The following RELN variants were observed in gnomAD, a reference collection of about 807,000 sequenced individuals.
RELN encodes reelin.
Under a neutral mutation model 427.6 loss-of-function variants are expected in RELN, and 108 were observed. The observed-to-expected ratio is 0.25, with a 90% CI of 0.22 to 0.30. The LOEUF is 0.30. Ranked by LOEUF, RELN falls within the 10% of genes least tolerant of loss-of-function variation. The pLI, the probability that RELN is intolerant of heterozygous loss-of-function variation, is 1.00. For synonymous variants in RELN, 1,524 were observed against 1,513.4 expected (o/e 1.01, Z -0.16); for missense variants, 3,715 against 4,302.8 (o/e 0.86, Z 3.82).
At chr7:103,817,937 C>CAAAAAAAAA (rs71154371) in intron 3 of RELN, among the ~76,000 whole-genome samples, 5 of 36,022 alleles carry the variant, frequency 1.4e-4, no homozygotes, top group Admixed American at 4.3e-4. Context: ...GACTCCATCT[C>CAAAAAAAAA]AAAAAAAAAA....
At chr7:103,619,966 T>C (rs1406759959) in intron 20 of RELN, among the ~76,000 whole-genome samples, 1 of 152,156 alleles carries the variant, frequency 6.6e-6, no homozygotes, top group African/African-American at 2.4e-5. Flanking sequence ...AGAAGAGCCT[T>C]AGCTGTTTCC....
intron 19 of RELN, among the ~76,000 whole-genome samples, chr7:103,632,917 T>G (rs902726768): frequency 6.6e-6 from 1 of 152,120 alleles, no homozygotes; most frequent in African/African-American, 2.4e-5. Context: ...TTAGACTTCA[T>G]AGTAATTTTA....
At chr7:103,866,275 A>G (rs1366321186) in intron 2 of RELN, among the ~76,000 whole-genome samples, 1 of 152,136 alleles carries the variant, frequency 6.6e-6, no homozygotes, top group East Asian at 1.9e-4. Context: ...TACAGCTTTA[A>G]TACAACAACA....
At chr7:103,920,593 T>TTTTTTTTTTTTTTTTTTGA (rs57282777) in intron 1 of RELN, among the ~76,000 whole-genome samples, 10 of 129,396 alleles carry the variant, frequency 7.7e-5, no homozygotes, top group African/African-American at 2.7e-4. Flanking sequence ...TTTTTTTTTT[T>TTTTTTTTTTTTTTTTTTGA]GAGAGAGTCT....
chr7:103,499,407 T>G (rs1458820044), intron 53 of RELN, among the ~76,000 whole-genome samples: 1 of 152,218 alleles, frequency 6.6e-6, no homozygotes, highest in African/African-American at 2.4e-5. Flanking sequence ...GTACTTTCAT[T>G]TTATCCATAA....
intron 10 of RELN, among the ~76,000 whole-genome samples, chr7:103,691,866 A>C (rs1399144655): frequency 6.6e-6 from 1 of 152,110 alleles, no homozygotes; most frequent in African/African-American, 2.4e-5. Flanking sequence ...GTAGTTAATA[A>C]AACTAGTATA....
chr7:103,791,255 A>C (rs1792154967), intron 3 of RELN, among the ~76,000 whole-genome samples: 1 of 152,218 alleles, frequency 6.6e-6, no homozygotes, highest in Admixed American at 6.5e-5. Flanking sequence ...TTGATAGCTA[A>C]TTCTAAAATG....
At chr7:103,773,148 C>CTTTCTTTCTTTCT (rs1257016330) in intron 4 of RELN, among the ~76,000 whole-genome samples, 1 of 95,052 alleles carries the variant, frequency 1.1e-5, no homozygotes, top group African/African-American at 3.5e-5. Context: ...TTCTTTCTTT[C>CTTTCTTTCTTTCT]TTTCTTTCTT....
At chr7:103,608,509 T>C (rs972110817) in intron 22 of RELN, among the ~76,000 whole-genome samples, 1 of 152,146 alleles carries the variant, frequency 6.6e-6, no homozygotes, top group Non-Finnish European at 1.5e-5. Context: ...AATAATTTAG[T>C]AGAAACTTTA....
chr7:103,653,468 G>C (rs1053751688), intron 13 of RELN, among the ~76,000 whole-genome samples: 17 of 152,110 alleles, frequency 1.1e-4, no homozygotes, highest in African/African-American at 4.1e-4. Context: ...AAAGTACTTA[G>C]GGTACCATCA....
chr7:103,683,557 T>C (rs941168909), intron 10 of RELN, among the ~76,000 whole-genome samples: 4 of 152,208 alleles, frequency 2.6e-5, no homozygotes, highest in Non-Finnish European at 5.9e-5. Flanking sequence ...CCTAGTGATG[T>C]CATAGTTATC....
chr7:103,683,956 T>G (rs891626575), intron 10 of RELN, among the ~76,000 whole-genome samples: 1 of 152,120 alleles, frequency 6.6e-6, no homozygotes, highest in Admixed American at 6.6e-5. Flanking sequence ...GCTAAGGAGA[T>G]CAAGATATGA....
chr7:103,823,569 T>G (rs1316768547), intron 3 of RELN, among the ~76,000 whole-genome samples: 2 of 152,058 alleles, frequency 1.3e-5, no homozygotes, highest in African/African-American at 2.4e-5. Context: ...ATTTGAAAAC[T>G]TTAATACTGA....
intron 10 of RELN, among the ~76,000 whole-genome samples, chr7:103,695,741 G>A (rs777420390): frequency 6.6e-6 from 1 of 152,104 alleles, no homozygotes; most frequent in Non-Finnish European, 1.5e-5. Context: ...TTATGCATCT[G>A]CTTGCCAGTG....
At chr7:103,782,646 T>C (rs531081114) in intron 3 of RELN, among the ~76,000 whole-genome samples, 2 of 152,298 alleles carry the variant, frequency 1.3e-5, no homozygotes, top group African/African-American at 4.8e-5. Flanking sequence ...CTTATATTTG[T>C]ATTTGATTTA....
chr7:103,883,831 C>A (rs1327797455), intron 2 of RELN, among the ~76,000 whole-genome samples: 1 of 152,138 alleles, frequency 6.6e-6, no homozygotes, highest in Non-Finnish European at 1.5e-5. Flanking sequence ...TATGAAGAAT[C>A]AATATCGTGA....
intron 1 of RELN, among the ~76,000 whole-genome samples, chr7:103,948,976 T>C (rs1244613911): frequency 6.9e-6 from 1 of 143,924 alleles, no homozygotes; most frequent in Non-Finnish European, 1.5e-5. Flanking sequence ...GGCCCTTGAT[T>C]GCACCACTGT....
chr7:103,836,641 C>T (rs1190062349), intron 2 of RELN, among the ~76,000 whole-genome samples: 1 of 152,164 alleles, frequency 6.6e-6, no homozygotes, highest in East Asian at 1.9e-4. Flanking sequence ...TTCCTGCAAG[C>T]TGTACCCTCT....
intron 36 of RELN, among the ~76,000 whole-genome samples, chr7:103,560,098 C>A (rs1394601329): frequency 2.6e-5 from 4 of 152,158 alleles, no homozygotes; most frequent in Non-Finnish European, 5.9e-5. Flanking sequence ...GATATTTATA[C>A]AGCAGAACTG....
Sources: gnomAD v4.1 joint callset for allele counts (sites outside exome capture counted in the v4.1 genomes callset) on GRCh38, gnomAD v4.1.1 for gene constraint, MANE v1.5 for transcripts, NCBI Gene and HGNC (gene_info 2026-07-23, HGNC 2026-07-21) for gene names.